The following CLPTM1L variants were observed in gnomAD, a reference collection of about 807,000 sequenced individuals.
CLPTM1L encodes CLPTM1 like, also known as lipid scramblase CLPTM1L.
In CLPTM1L, 38 loss-of-function variants were observed where a neutral mutation model predicts 70.9. That is an observed-to-expected ratio of 0.54 (90% confidence interval 0.41 to 0.70). CLPTM1L has a LOEUF of 0.70. CLPTM1L is among the 30% of genes least tolerant of loss of function. The pLI is 0.00. For synonymous variants in CLPTM1L, 339 were observed against 299.9 expected, an observed-to-expected ratio of 1.13 and a Z score of -1.35; for missense variants, 652 against 705.9, an observed-to-expected ratio of 0.92 and a Z score of 0.87.
chr5:1,324,376 G>A (rs886318817), intron 11 of CLPTM1L, among the ~76,000 whole-genome samples: 1 of 152,252 alleles, frequency 6.6e-6, no homozygotes, highest in Admixed American at 6.5e-5. Flanking sequence ...GACGCCCTGT[G>A]CTGCTGGGGC....
intron 9 of CLPTM1L, 186 bp from the exon 10 acceptor site, chr5:1,326,002 A>T (rs747827265): frequency 1.7e-6 from 1 of 579,688 alleles, no homozygotes; most frequent in African/African-American, 1.9e-5. Context: ...TAACCCACAC[A>T]CGGCAGGCGT....
rs987029256 is a variant in CLPTM1L, at chr5:1,344,926, C to A, written c.-85G>T. 3.7e-6 allele frequency: 3 copies of A among 809,362 alleles called. No homozygotes were observed. Among genetic ancestry groups the A allele is most frequent in the Non-Finnish European group, 4.4e-6 (3 of 674,700 alleles). The allele number at this position is 809,362 out of a possible 1,614,324, so 50.1% of individuals were successfully genotyped here. Reference sequence around the variant, plus strand: ...CCGGCGCCCAGCCCGCCGCTCCGGGCTCCGCCGCTCACTGGAGAGCCGCCG... The same window carrying A: ...CCGGCGCCCAGCCCGCCGCTCCGGGATCCGCCGCTCACTGGAGAGCCGCCG... On this transcript the variant is annotated 5_prime_UTR_variant, in exon 1 of 17. Coordinates refer to ENST00000320895, the MANE Select transcript of CLPTM1L (RefSeq NM_030782.5).
rs1560869402 is a variant in CLPTM1L at position 1,339,025 on chromosome 5, G to C, written c.454-20C>G. ...GATCTGCTGTTAAGTGAGGAAAACA[G>C]AGGCCAATGCTGGGACAGAAAACCA... On this transcript the variant is annotated intron_variant, in intron 3 of 16. Transcript: ENST00000320895. The C allele has an allele frequency of 6.8e-6, 11 of 1,609,154 alleles. No homozygotes were observed. The highest frequency in any genetic ancestry group is 9.3e-6 in the Non-Finnish European group (11 of 1,176,936).
chr5:1,331,639 C>A, intron 8 of CLPTM1L, 160 bp downstream of exon 8: 1 of 644,922 alleles, frequency 1.6e-6, no homozygotes, highest in East Asian at 2.7e-5. Context: ...CAACGGCTCC[C>A]TGGGCTTTAC....
At chr5:1,319,239 T>G (rs1313217680) in intron 16 of CLPTM1L, among the ~76,000 whole-genome samples, 1 of 151,336 alleles carries the variant, frequency 6.6e-6, no homozygotes, top group Non-Finnish European at 1.5e-5. Context: ...CTGAGAATGG[T>G]GAACGGGGGA....
At chr5:1,324,886 G>A in intron 10 of CLPTM1L, 73 bp from the exon 11 acceptor site, 1 of 1,402,480 alleles carries the variant, frequency 7.1e-7, no homozygotes. Flanking sequence ...TGTGACTAAG[G>A]GGCGTCACAT....
chr5:1,341,867 C>G lies in CLPTM1L; in HGVS notation c.264-7G>C. ...TACAGAAACATTAACTGTCCTGAAA[C>G]AGAACAATCATTTCCACTACATACA... On this transcript the variant is annotated splice_polypyrimidine_tract_variant and splice_region_variant and intron_variant, in intron 2 of 16. Transcript: ENST00000320895. 6.2e-7 allele frequency: 1 copy of G among 1,604,132 alleles called. No homozygotes were observed. The highest frequency in any genetic ancestry group is 8.5e-7 in the Non-Finnish European group (1 of 1,171,896).
chr5:1,325,707 T>C (rs975205467), intron 10 of CLPTM1L, 44 bp downstream of exon 10: 31 of 1,551,882 alleles, frequency 2.0e-5, no homozygotes, highest in Non-Finnish European at 2.7e-5. Context: ...AAAATCACAC[T>C]CTTCAGAGAG....
intron 9 of CLPTM1L, among the ~76,000 whole-genome samples, chr5:1,328,767 C>CCATCCAGCTCCTCCTCTACAGACACAT: frequency 8.6e-6 from 1 of 116,282 alleles, no homozygotes; most frequent in Admixed American, 8.8e-5. Context: ...TACAGGGACA[C>CCATCCAGCTCCTCCTCTACAGACACAT]TCCATCCAGA....
chr5:1,344,251 T>C (rs1754130064), intron 2 of CLPTM1L, 100 bp downstream of exon 2: 2 of 814,264 alleles, frequency 2.5e-6, no homozygotes, highest in Non-Finnish European at 2.1e-6. Flanking sequence ...TAAGACTAGT[T>C]CTCTAAAATA....
At chr5:1,344,158 T>C (rs1212129500) in intron 2 of CLPTM1L, among the ~76,000 whole-genome samples, 193 bp downstream of exon 2, 1 of 152,228 alleles carries the variant, frequency 6.6e-6, no homozygotes, top group Non-Finnish European at 1.5e-5. Context: ...ACGACATTCA[T>C]CACCTGTCAC....
chr5:1,334,251 C>A, intron 7 of CLPTM1L, 38 bp downstream of exon 7: 1 of 1,541,742 alleles, frequency 6.5e-7, no homozygotes, highest in Non-Finnish European at 9.0e-7. Context: ...AGGGAGCCCC[C>A]CAAGTGCCTG....
chr5:1,318,601 C>A lies in CLPTM1L; in HGVS notation c.1533-148G>T. On this transcript the variant is annotated intron_variant, in intron 16 of 16. Transcript: ENST00000320895. The surrounding 1 kb of genome is among the most constrained non-coding windows in gnomAD (Gnocchi z 8.9). ...AGTCGAATCCTCAGAAGTTTTACTG[C>A]CGAGGGCTGAGGAGGGATTTCTGAG... 9.0e-6 allele frequency: 6 copies of A among 665,380 alleles called. No individual in the cohort carries two copies. In the South Asian group the frequency reaches 1.1e-4, roughly 13 times the overall value. The allele number at this position is 665,380 out of a possible 1,614,324, so 41.2% of individuals were successfully genotyped here.
chr5:1,325,534 C>G lies in CLPTM1L; in HGVS notation c.1146+217G>C, dbSNP rs142965109. On this transcript the variant is annotated intron_variant, in intron 10 of 16. Coordinates refer to ENST00000320895, the MANE Select transcript of CLPTM1L (RefSeq NM_030782.5). Reference sequence around the variant, plus strand: ...GGCTCAGGCCCAGAAGTGCTGCCGTCTGCACTGAAGACGGTCAGAACTAGG... The same window carrying G: ...GGCTCAGGCCCAGAAGTGCTGCCGTGTGCACTGAAGACGGTCAGAACTAGG... 1,576 of 567,416 alleles carry G rather than the reference C, an allele frequency of 2.8e-3. 14 individuals are homozygous for G. Among genetic ancestry groups the G allele is most frequent in the Non-Finnish European group, 2.2e-3 (688 of 315,842 alleles). The allele number at this position is 567,416 out of a possible 1,614,324, so 35.1% of individuals were successfully genotyped here.
intron 10 of CLPTM1L, chr5:1,325,114 A>G (rs926981186): frequency 5.9e-6 from 3 of 505,010 alleles, no homozygotes; most frequent in Non-Finnish European, 1.1e-5. Flanking sequence ...ACTGCAGAGC[A>G]CACAGGCACA....
chr5:1,343,725 C>A (rs1191908162), intron 2 of CLPTM1L, among the ~76,000 whole-genome samples: 1 of 152,196 alleles, frequency 6.6e-6, no homozygotes, highest in Non-Finnish European at 1.5e-5. Flanking sequence ...GGCGTGGAGT[C>A]CAGCATGAGT....
At chr5:1,341,340 G>A (rs368040529) in intron 3 of CLPTM1L, among the ~76,000 whole-genome samples, 87 of 152,332 alleles carry the variant, frequency 5.7e-4, no homozygotes, top group African/African-American at 2.0e-3. Context: ...GTGAGAAGCT[G>A]CAGGCCAGCT....
chr5:1,323,707 C>T (rs1029550675), intron 12 of CLPTM1L, 80 bp downstream of exon 12: 19 of 1,271,442 alleles, frequency 1.5e-5, no homozygotes, highest in South Asian at 2.5e-5. Context: ...GCCCTCCAGT[C>T]GCACCCCGCT....
chr5:1,321,472 T>G (rs1220803361), intron 15 of CLPTM1L, among the ~76,000 whole-genome samples, 163 bp downstream of exon 15: 1 of 151,818 alleles, frequency 6.6e-6, no homozygotes. Flanking sequence ...CTATAGCTCT[T>G]CGCTTTTTTT....
Sources: gnomAD v4.1 joint callset for allele counts (sites outside exome capture counted in the v4.1 genomes callset) on GRCh38, gnomAD v4.1.1 for gene constraint, Gnocchi (gnomAD v3.1) non-coding constraint, MANE v1.5 for transcripts, NCBI Gene and HGNC (gene_info 2026-07-23, HGNC 2026-07-21) for gene names.